The following B3GALNT2 variants were observed in gnomAD, a reference collection of about 807,000 sequenced individuals.
B3GALNT2 encodes the protein UDP-GalNAc:beta-1,3-N-acetylgalactosaminyltransferase 2.
In B3GALNT2, 53 loss-of-function variants were observed where a neutral mutation model predicts 61.1. The ratio of observed to expected loss-of-function variants is 0.87; its 90% CI spans 0.70 to 1.09. The LOEUF (loss-of-function observed/expected upper bound fraction) is 1.09. B3GALNT2 is among the 50% of genes least tolerant of loss of function. B3GALNT2 has a pLI of 0.00. For synonymous variants in B3GALNT2, 223 were observed against 237.4 expected (o/e 0.94, Z 0.56); for missense variants, 544 against 623.0 (o/e 0.87, Z 1.35).
chr1:235,463,235 G>A (rs73116626), intron 7 of B3GALNT2, among the ~76,000 whole-genome samples: 4,607 of 152,054 alleles, frequency 0.03, 253 homozygotes, highest in African/African-American at 0.1. Context: ...TGGGGACAGG[G>A]TGGGAGGGGG....
rs764120572 is a variant in B3GALNT2 at position 235,494,748 on chromosome 1, C to A, written c.193G>T (p.Glu65Ter). 1 of 1,612,786 alleles carries A rather than the reference C, an allele frequency of 6.2e-7. No individual in the cohort carries two copies. The highest frequency in any genetic ancestry group is 8.5e-7 in the Non-Finnish European group (1 of 1,178,976). ...VGVLSARNNH[E>*]LRNVIRSTWM... The stretch of plus-strand genomic sequence containing the variant: ...GTGCTTCTTATCACGTTTCGAAGTT[C>A]ATGGTTATTGCGAGCTGACAACACG... The change falls in exon 2 of 12, where the codon GAA becomes TAA. Residue 65 changes from glutamate to a stop codon, truncating the protein, a stop_gained. Coordinates refer to ENST00000366600, the MANE Select transcript of B3GALNT2 (RefSeq NM_152490.5). LOFTEE classifies it high-confidence loss of function.
chr1:235,474,970 TA>T (rs1558425225), intron 5 of B3GALNT2, among the ~76,000 whole-genome samples: 439 of 34,468 alleles, frequency 0.013, 24 homozygotes, highest in East Asian at 0.045. Context: ...TATATATATA[TA>T]TATATATATA....
chr1:235,448,611 A>G lies in B3GALNT2; in HGVS notation c.*1595T>C. The G allele has an allele frequency of 1.4e-6, 2 of 1,442,364 alleles. No homozygotes were observed. Among genetic ancestry groups the G allele is most frequent in the Non-Finnish European group, 9.8e-7 (1 of 1,024,154 alleles). 89.3% of individuals were successfully genotyped at this position (1,442,364 alleles called of 1,614,324 possible). ...GACGGGGTGGGGGAAGAGTATGTGTAGCATGCTTTATCGGATCTGTCTTAA... is the reference window on the plus strand; with the variant it reads ...GACGGGGTGGGGGAAGAGTATGTGTGGCATGCTTTATCGGATCTGTCTTAA... On this transcript the variant is annotated 3_prime_UTR_variant, in exon 12 of 12. Coordinates refer to ENST00000366600, the MANE Select transcript of B3GALNT2 (RefSeq NM_152490.5).
intron 6 of B3GALNT2, among the ~76,000 whole-genome samples, chr1:235,468,664 G>C (rs907549243): frequency 5.9e-5 from 9 of 151,880 alleles, no homozygotes; most frequent in African/African-American, 2.2e-4. Flanking sequence ...TGTTGGCCAG[G>C]CTGGTCTTGA....
chr1:235,496,325 A>AT, intron 1 of B3GALNT2: 2 of 1,026,540 alleles, frequency 1.9e-6, no homozygotes, highest in Non-Finnish European at 2.5e-6. Context: ...AAAAAAAAAA[A>AT]GTTCCATTCC....
At chr1:235,483,494 TTTGGGAGGCTAC>T (rs1684652433) in intron 4 of B3GALNT2, among the ~76,000 whole-genome samples, 1 of 152,022 alleles carries the variant, frequency 6.6e-6, no homozygotes, top group African/African-American at 2.4e-5. Context: ...ATCCCAGCAC[TTTGGGAGGCTAC>T]TTGGGAGGCT....
At chr1:235,451,408 A>G (rs1257771704) in intron 11 of B3GALNT2, 4 of 151,272 alleles carry the variant, frequency 2.6e-5, no homozygotes, top group African/African-American at 9.7e-5. Context: ...GTAAATATGT[A>G]AATCCTCTCT....
Position 235,449,079 on chromosome 1 carries a change from C to T in B3GALNT2, c.*1127G>A. On this transcript the variant is annotated 3_prime_UTR_variant, in exon 12 of 12. Transcript: ENST00000366600. ...TAGCTAGCCTAATAAAATCTGAACACAGTTAATATCTGTCATAAGACTAGT... is the reference window on the plus strand; with the variant it reads ...TAGCTAGCCTAATAAAATCTGAACATAGTTAATATCTGTCATAAGACTAGT... 3.1e-6 allele frequency: 1 copy of T among 324,930 alleles called. No homozygotes were observed. Among genetic ancestry groups the T allele is most frequent in the Admixed American group, 4.5e-5 (1 of 22,104 alleles). 20.1% of individuals were successfully genotyped at this position (324,930 alleles called of 1,614,324 possible).
chr1:235,448,017 T>A lies in B3GALNT2; in HGVS notation c.*2189A>T, dbSNP rs1263061712. Among the ~76,000 whole-genome samples the A allele has an allele frequency of 2.6e-5, 4 of 152,076 alleles. No individual in the cohort carries two copies. Among genetic ancestry groups the A allele is most frequent in the Non-Finnish European group, 5.9e-5 (4 of 68,026 alleles). On this transcript the variant is annotated 3_prime_UTR_variant, in exon 12 of 12. Coordinates refer to ENST00000366600, the MANE Select transcript of B3GALNT2 (RefSeq NM_152490.5). ...CGAGGTCAGGAGTTCAAGACCAGCC[T>A]GGCCAACATGGTGAAACCCCGTCTC...
intron 5 of B3GALNT2, chr1:235,479,424 T>G (rs1268759159): frequency 6.6e-6 from 1 of 152,282 alleles, no homozygotes; most frequent in African/African-American, 2.4e-5. Flanking sequence ...ATGAATAATT[T>G]GTTATGTCTG....
Position 235,458,606 on chromosome 1 carries a change from C to CTA in B3GALNT2, c.1020_1021dup (p.Arg341IlefsTer14), listed in dbSNP as rs1276205801. 1 of 1,600,478 alleles carries CTA rather than the reference C, an allele frequency of 6.2e-7. No homozygotes were observed. Among genetic ancestry groups the CTA allele is most frequent in the Admixed American group, 1.7e-5 (1 of 57,398 alleles). On this transcript the variant is annotated frameshift_variant, in exon 8 of 12. Coordinates refer to ENST00000366600, the MANE Select transcript of B3GALNT2 (RefSeq NM_152490.5). LOFTEE classifies it high-confidence loss of function. ...ACCCAACATTTTTACAACCTACCAT[C>CTA]TATAGAAGTTCAATAATTTTGCAGG...
At chr1:235,490,024 C>T (rs1351062459) in intron 2 of B3GALNT2, among the ~76,000 whole-genome samples, 2 of 152,152 alleles carry the variant, frequency 1.3e-5, no homozygotes, top group Non-Finnish European at 2.9e-5. Context: ...CCCTAAAATG[C>T]TCTCTTCCCT....
At chr1:235,453,547 C>T (rs188271563) in intron 10 of B3GALNT2, among the ~76,000 whole-genome samples, 7 of 152,150 alleles carry the variant, frequency 4.6e-5, no homozygotes, top group Non-Finnish European at 7.4e-5. Context: ...ACTCCGCCTC[C>T]GGGTTCACAT....
At chr1:235,450,457 TA>T in intron 11 of B3GALNT2, 117 bp from the exon 12 acceptor site, 1 of 1,287,546 alleles carries the variant, frequency 7.8e-7, no homozygotes, top group East Asian at 2.4e-5. Flanking sequence ...ATTTCAAGGA[TA>T]ACTCCGTGTG....
At chr1:235,502,577 G>C (rs931853826) in intron 1 of B3GALNT2, among the ~76,000 whole-genome samples, 2 of 152,122 alleles carry the variant, frequency 1.3e-5, no homozygotes, top group Non-Finnish European at 2.9e-5. Context: ...AATCTAGCCT[G>C]GTCTAACTAC....
chr1:235,459,443 G>A (rs1683314520), intron 7 of B3GALNT2, among the ~76,000 whole-genome samples: 1 of 151,992 alleles, frequency 6.6e-6, no homozygotes, highest in African/African-American at 2.4e-5. Context: ...GGTTATATAG[G>A]GAGACCCCAT....
At chr1:235,456,784 G>GTATC (rs1006764087) in intron 8 of B3GALNT2, among the ~76,000 whole-genome samples, 38 of 152,190 alleles carry the variant, frequency 2.5e-4, no homozygotes, top group African/African-American at 8.9e-4. Flanking sequence ...GCTCTAAAGA[G>GTATC]TATCCGGGGC....
intron 5 of B3GALNT2, among the ~76,000 whole-genome samples, chr1:235,473,259 C>T (rs1558423554): frequency 6.6e-6 from 1 of 152,148 alleles, no homozygotes; most frequent in Non-Finnish European, 1.5e-5. Context: ...TTTTTTTCCT[C>T]CTCCAAAACA....
intron 9 of B3GALNT2, 130 bp downstream of exon 9, chr1:235,455,429 A>C (rs978265896): frequency 8.9e-6 from 9 of 1,011,464 alleles, no homozygotes; most frequent in Non-Finnish European, 1.3e-5. Flanking sequence ...TGAAATATAT[A>C]TAAACCCAGG....
Sources: gnomAD v4.1 joint callset for allele counts (sites outside exome capture counted in the v4.1 genomes callset) on GRCh38, gnomAD v4.1.1 for gene constraint, MANE v1.5 for transcripts, NCBI Gene and HGNC (gene_info 2026-07-23, HGNC 2026-07-21) for gene names.